PLCG2: variants seen among roughly 807,000 people sequenced by gnomAD.
The protein encoded by PLCG2 is 1-phosphatidylinositol 4,5-bisphosphate phosphodiesterase gamma-2.
PLCG2 carries 69 observed loss-of-function variants against 175.6 expected under a neutral mutation model. That is an observed-to-expected ratio of 0.39 (90% CI 0.32 to 0.48). The LOEUF (loss-of-function observed/expected upper bound fraction) is 0.48. PLCG2 is among the 20% of genes least tolerant of loss of function. The probability of loss-of-function intolerance (pLI) is 0.91; values close to 1 mark genes in which losing one functional copy is unlikely to be tolerated. For missense variants in PLCG2, 1,798 were observed against 1,650.9 expected, an observed-to-expected ratio of 1.09 and a Z score of -1.54; for synonymous variants, 827 against 624.0, an observed-to-expected ratio of 1.33 and a Z score of -4.85.
At chr16:81,857,640 T>G (rs970627177) in intron 3 of PLCG2, among the ~76,000 whole-genome samples, 1 of 84,534 alleles carries the variant, frequency 1.2e-5, no homozygotes, top group South Asian at 3.9e-4. Context: ...TAGTCTCTCT[T>G]TCTCTTCTCT....
At chr16:81,774,706 G>A (rs1167963478), upstream of PLCG2, among the ~76,000 whole-genome samples, 6 of 152,074 alleles carry the variant, frequency 3.9e-5, no homozygotes, top group African/African-American at 1.4e-4. Context: ...GTGGAGGAGG[G>A]GAAAGGAGGT....
intron 30 of PLCG2, among the ~76,000 whole-genome samples, chr16:81,941,834 C>T (rs960980301): frequency 5.3e-5 from 8 of 151,934 alleles, no homozygotes; most frequent in African/African-American, 1.4e-4. Flanking sequence ...CCACATCTGG[C>T]TAATTTTTGT....
In PLCG2 at chr16:81,883,391, T is replaced by G. The variant is rs896982031; in HGVS notation, c.765+50T>G. ...CCTGAGGGAGCTGGCGGGATGCTGCTGGGGACTAGTCTCACCCTTCTGCCG... is the reference window on the plus strand; with the variant it reads ...CCTGAGGGAGCTGGCGGGATGCTGCGGGGGACTAGTCTCACCCTTCTGCCG... On this transcript the variant is annotated intron_variant, in intron 9 of 32. Coordinates refer to ENST00000564138, the MANE Select transcript of PLCG2 (RefSeq NM_002661.5). 6 of 1,475,216 alleles carry G rather than the reference T, an allele frequency of 4.1e-6. No homozygotes were observed. In the African/African-American group the frequency reaches 8.3e-5, roughly 20 times the overall value. 91.4% of individuals were successfully genotyped at this position (1,475,216 alleles called of 1,614,324 possible).
intron 2 of PLCG2, among the ~76,000 whole-genome samples, chr16:81,826,423 T>G (rs1355354029): frequency 6.6e-6 from 1 of 152,186 alleles, no homozygotes; most frequent in African/African-American, 2.4e-5. Context: ...AGCTCTGCAC[T>G]TACCAGTGTG....
intron 1 of PLCG2, among the ~76,000 whole-genome samples, chr16:81,785,514 T>C (rs1910929847): frequency 2.1e-5 from 3 of 140,838 alleles, no homozygotes; most frequent in African/African-American, 7.7e-5. Flanking sequence ...TTTTTTTTTG[T>C]TCTTAATTTT....
chr16:81,832,646 C>A (rs1452508821), intron 2 of PLCG2, among the ~76,000 whole-genome samples: 2 of 152,242 alleles, frequency 1.3e-5, no homozygotes, highest in African/African-American at 4.8e-5. Flanking sequence ...TGAAGCCATT[C>A]TCCTGCCTCA....
chr16:81,846,452 A>G (rs1243866430), intron 2 of PLCG2, among the ~76,000 whole-genome samples: 1 of 152,218 alleles, frequency 6.6e-6, no homozygotes, highest in African/African-American at 2.4e-5. Flanking sequence ...CCAGGGAACC[A>G]ACCTATGATA....
intron 2 of PLCG2, among the ~76,000 whole-genome samples, chr16:81,764,116 G>A (rs1017589531): frequency 6.6e-6 from 1 of 151,854 alleles, no homozygotes; most frequent in Non-Finnish European, 1.5e-5. Context: ...AACATGGTGA[G>A]ACCCCATTTC....
At chr16:81,855,947 G>C (rs571261609) in intron 3 of PLCG2, among the ~76,000 whole-genome samples, 128 of 152,280 alleles carry the variant, frequency 8.4e-4, no homozygotes, top group Admixed American at 1.8e-3. Context: ...TCACACCTCT[G>C]TCTCCTTAGC....
At chr16:81,947,481 T>A (rs1567546026) in intron 31 of PLCG2, among the ~76,000 whole-genome samples, 2 of 152,200 alleles carry the variant, frequency 1.3e-5, no homozygotes. Context: ...TCGGTAGACC[T>A]GGGCTTTCTC....
chr16:81,925,066 C>G (rs894403411), intron 22 of PLCG2, among the ~76,000 whole-genome samples: 8 of 152,226 alleles, frequency 5.3e-5, no homozygotes, highest in Non-Finnish European at 7.3e-5. Context: ...GTGACTACTC[C>G]AAATCACGGT....
intron 2 of PLCG2, among the ~76,000 whole-genome samples, chr16:81,794,602 A>G (rs1911384061): frequency 6.6e-6 from 1 of 152,314 alleles, no homozygotes; most frequent in South Asian, 2.1e-4. Context: ...TTGGGCCTCC[A>G]TTTCCTTATC....
intron 5 of PLCG2, among the ~76,000 whole-genome samples, chr16:81,864,562 A>T (rs1161816549): frequency 2.0e-5 from 3 of 152,312 alleles, no homozygotes; most frequent in African/African-American, 4.8e-5. Flanking sequence ...CAGTTTCCTC[A>T]TGTGTAAAAG....
intron 2 of PLCG2, among the ~76,000 whole-genome samples, chr16:81,762,735 C>T (rs181105149): frequency 7.7e-4 from 117 of 152,252 alleles, no homozygotes; most frequent in Admixed American, 1.9e-3. Flanking sequence ...ACTGCAATAT[C>T]CCCCCAAGTC....
intron 11 of PLCG2, 46 bp downstream of exon 11, chr16:81,891,636 G>T (rs755075594): frequency 1.8e-6 from 2 of 1,126,196 alleles, no homozygotes; most frequent in Non-Finnish European, 2.7e-6. Context: ...CACAGAGCAC[G>T]TGAGGGTTGA....
At chr16:81,766,470 CTCCTCCTCCTCT>C (rs933879827) in intron 2 of PLCG2, among the ~76,000 whole-genome samples, 1 of 332 alleles carries the variant, frequency 3.0e-3, no homozygotes, top group Non-Finnish European at 0.019. Flanking sequence ...CCAGCGCCTC[CTCCTCCTCCTCT>C]TCCTCCTCCT....
At chr16:81,757,891 A>G (rs1909961947) in intron 2 of PLCG2, among the ~76,000 whole-genome samples, 2 of 151,498 alleles carry the variant, frequency 1.3e-5, no homozygotes, top group Non-Finnish European at 1.5e-5. Flanking sequence ...CGGACATTTC[A>G]TGTACATAGA....
At chr16:81,948,986 T>G (rs1452437880) in intron 31 of PLCG2, among the ~76,000 whole-genome samples, 1 of 152,178 alleles carries the variant, frequency 6.6e-6, no homozygotes, top group Non-Finnish European at 1.5e-5. Flanking sequence ...AGGAGAGCAC[T>G]GGAGAAAGCT....
chr16:81,934,754 C>A (rs1044178674), intron 26 of PLCG2, among the ~76,000 whole-genome samples: 1 of 152,032 alleles, frequency 6.6e-6, no homozygotes, highest in Admixed American at 6.6e-5. Flanking sequence ...ATACCCAAGA[C>A]TGAGTAATTT....
Sources: gnomAD v4.1 joint callset for allele counts (sites outside exome capture counted in the v4.1 genomes callset) on GRCh38, gnomAD v4.1.1 for gene constraint, MANE v1.5 for transcripts, NCBI Gene and HGNC (gene_info 2026-07-23, HGNC 2026-07-21) for gene names.